The following FCRL1 variants were observed in gnomAD, a reference collection of about 807,000 sequenced individuals.
FCRL1 encodes the protein Fc receptor like 1, also known as Fc receptor-like protein 1.
Under a neutral mutation model 49.2 loss-of-function variants are expected in FCRL1, and 34 were observed. That is an observed-to-expected ratio of 0.69 (90% confidence interval 0.53 to 0.92). The LOEUF (loss-of-function observed/expected upper bound fraction) is 0.92, where lower values mean the gene tolerates loss of function less well. Ranked by LOEUF, FCRL1 falls within the 40% of genes least tolerant of loss-of-function variation. The probability of loss-of-function intolerance (pLI) is 0.00; values close to 1 mark genes in which losing one functional copy is unlikely to be tolerated. For missense variants in FCRL1, 524 were observed against 524.1 expected (o/e 1.00, Z 0.00); for synonymous variants, 218 against 201.6 (o/e 1.08, Z -0.69).
chr1:157,819,921 A>T, intron 1 of FCRL1, 86 bp downstream of exon 1: 1 of 1,494,868 alleles, frequency 6.7e-7, no homozygotes, highest in Non-Finnish European at 9.3e-7. Context: ...ACAGAACCTT[A>T]GTCCTAAGAA....
chr1:157,798,512 G>T (rs886390402), intron 7 of FCRL1, among the ~76,000 whole-genome samples: 4 of 152,018 alleles, frequency 2.6e-5, no homozygotes, highest in African/African-American at 9.7e-5. Flanking sequence ...TTCACATCAT[G>T]AGTGCTCCCT....
intron 7 of FCRL1, among the ~76,000 whole-genome samples, chr1:157,798,881 C>G (rs1458483381): frequency 6.6e-6 from 1 of 152,158 alleles, no homozygotes; most frequent in African/African-American, 2.4e-5. Flanking sequence ...CTTTAAAACT[C>G]TCAAGAGTTT....
Position 157,796,178 on chromosome 1 carries a change from C to T in FCRL1, c.1219-8G>A. 6.2e-7 allele frequency: 1 copy of T among 1,613,094 alleles called. No homozygotes were observed. The highest frequency in any genetic ancestry group is 8.5e-7 in the Non-Finnish European group (1 of 1,179,170). On this transcript the variant is annotated splice_region_variant and splice_polypyrimidine_tract_variant and intron_variant, in intron 10 of 10. Transcript: ENST00000368176. ...ATAGATGTCTAAGGAAACCTGGAAG[C>T]AAAGATTAGGACTAGAGCAGGGAAG... is the stretch of plus-strand genomic sequence containing the variant.
chr1:157,811,355 G>A (rs1349524291), intron 1 of FCRL1, among the ~76,000 whole-genome samples: 1 of 152,172 alleles, frequency 6.6e-6, no homozygotes, highest in Non-Finnish European at 1.5e-5. Context: ...CATAAAGAAG[G>A]GAATGGAACC....
chr1:157,816,318 A>G (rs904332905), intron 1 of FCRL1, among the ~76,000 whole-genome samples: 2 of 152,008 alleles, frequency 1.3e-5, no homozygotes, highest in Non-Finnish European at 2.9e-5. Flanking sequence ...GAAATGATAC[A>G]TCACATTAAC....
At chr1:157,799,428 G>T (rs982973165) in intron 7 of FCRL1, among the ~76,000 whole-genome samples, 8 of 152,246 alleles carry the variant, frequency 5.3e-5, no homozygotes, top group African/African-American at 1.4e-4. Flanking sequence ...GCAGTGGTTT[G>T]TAGTTCTCCT....
rs369442267 is a variant in FCRL1 at position 157,801,553 on chromosome 1, T to C, written c.911A>G (p.His304Arg). 1.9e-6 allele frequency: 3 copies of C among 1,613,602 alleles called. No homozygotes were observed. Among genetic ancestry groups the C allele is most frequent in the African/African-American group, 1.3e-5 (1 of 74,902 alleles). The change falls in exon 6 of 11, where the codon CAT becomes CGT. Residue 304 changes from histidine (H) to arginine (R), a missense_variant. Physicochemically the swap from His to Arg is conservative, Grantham distance 29. Coordinates refer to ENST00000368176, the MANE Select transcript of FCRL1 (RefSeq NM_052938.5). ...CCCCTCAATGACTCCTGAGGTAAGA[T>C]GATTGCTTCTGGCCCCAGTAGGCAC... is the stretch of plus-strand genomic sequence containing the variant. ...FTVPTGARSN[H>R]LTSGVIEGLL...
At chr1:157,799,941 G>C in intron 7 of FCRL1, 117 bp downstream of exon 7, 1 of 706,604 alleles carries the variant, frequency 1.4e-6, no homozygotes, top group Non-Finnish European at 2.1e-6. Flanking sequence ...GAACTCAGGA[G>C]TGAGTTCTGG....
At chr1:157,802,261 C>T (rs993470971) in intron 4 of FCRL1, 68 bp from the exon 5 acceptor site, 15 of 1,575,828 alleles carry the variant, frequency 9.5e-6, no homozygotes, top group South Asian at 2.4e-5. Context: ...CCCTGCCCAC[C>T]GATGCTCAGC....
At chr1:157,805,265 G>A (rs896324418) in intron 2 of FCRL1, among the ~76,000 whole-genome samples, 8 of 152,108 alleles carry the variant, frequency 5.3e-5, no homozygotes, top group African/African-American at 1.7e-4. Context: ...ATAGCTATGG[G>A]CTGTGTGGGC....
chr1:157,796,252 G>T, intron 10 of FCRL1, 82 bp from the exon 11 acceptor site: 1 of 1,128,936 alleles, frequency 8.9e-7, no homozygotes, highest in Non-Finnish European at 1.3e-6. Flanking sequence ...TAGCTTGGAT[G>T]CATCTTATCA....
At chr1:157,797,562 C>T (rs1196780337) in intron 9 of FCRL1, 2 of 615,222 alleles carry the variant, frequency 3.3e-6, no homozygotes, top group African/African-American at 1.8e-5. Context: ...ATTGTAACTA[C>T]ATGTTTTACC....
chr1:157,802,234 T>C, intron 4 of FCRL1, 41 bp from the exon 5 acceptor site: 1 of 1,591,702 alleles, frequency 6.3e-7, no homozygotes, highest in South Asian at 1.2e-5. Flanking sequence ...TCTCTGACAA[T>C]GCAGCAAACT....
rs776247988 is a variant in FCRL1 at position 157,801,992 on chromosome 1, T to G, written c.809A>C (p.His270Pro). Residue 270 changes from histidine to proline, a missense_variant, in exon 5 of 11, where the codon CAT becomes CCT. His to Pro is a moderately conservative substitution (Grantham distance 77). Transcript: ENST00000368176. ...ASFNLSLTEE[H>P]SGNYSCEANN... The stretch of plus-strand genomic sequence containing the variant: ...GGCCTCACAGGAGTAGTTTCCAGAA[T>G]GTTCTTCAGTCAGGGAAAGGTTGAA... 6.2e-7 allele frequency: 1 copy of G among 1,614,218 alleles called. No homozygotes were observed. Among genetic ancestry groups the G allele is most frequent in the African/African-American group, 1.3e-5 (1 of 75,054 alleles).
intron 6 of FCRL1, 21 bp downstream of exon 6, chr1:157,801,440 C>A: frequency 7.0e-7 from 1 of 1,437,056 alleles, no homozygotes; most frequent in Non-Finnish European, 9.8e-7. Context: ...TAACAAAATG[C>A]CACTCTCTTT....
At position 157,804,000 on chromosome 1, in the gene FCRL1, A is replaced by G; in HGVS notation, c.164T>C (p.Phe55Ser). 6.2e-7 allele frequency: 1 copy of G among 1,614,230 alleles called. No homozygotes were observed. The highest frequency in any genetic ancestry group is 2.2e-5 in the East Asian group (1 of 44,884). Residue 55 changes from phenylalanine to serine, a missense_variant, in exon 3 of 11, where the codon TTC becomes TCC. By Grantham distance (155) the Phe-to-Ser change is radical. Coordinates refer to ENST00000368176, the MANE Select transcript of FCRL1 (RefSeq NM_052938.5). ...SSDAQFQFCFFRDTRALGPGW... is the reference protein window; with the variant it reads ...SSDAQFQFCFSRDTRALGPGW... ...TGGGCCCAAGGCCCGGGTGTCTCTG[A>G]AAAAGCAGAACTGGAACTGGGCATC...
chr1:157,802,111 C>T lies in FCRL1; in HGVS notation c.690G>A (p.Glu230=), dbSNP rs200416538. 2.8e-5 allele frequency: 46 copies of T among 1,614,086 alleles called. No homozygotes were observed. Among genetic ancestry groups the T allele is most frequent in the Admixed American group, 5.0e-5 (3 of 60,014 alleles). The change falls in exon 5 of 11, where the codon GAG becomes GAA. Residue 230 remains glutamate, a synonymous_variant. Coordinates refer to ENST00000368176, the MANE Select transcript of FCRL1 (RefSeq NM_052938.5). ...GGATCGGAGGAGAGCCTCTCAGGGCCTCACAGTGAAGCTCCAGCACATCCT... is the reference window on the plus strand; with the variant it reads ...GGATCGGAGGAGAGCCTCTCAGGGCTTCACAGTGAAGCTCCAGCACATCCT... ...AVEDVLELHC[E]ALRGSPPILY...
intron 1 of FCRL1, 102 bp from the exon 2 acceptor site, chr1:157,807,224 C>T (rs1653622950): frequency 1.7e-6 from 2 of 1,197,490 alleles, no homozygotes; most frequent in African/African-American, 1.5e-5. Flanking sequence ...CCCTCCATCC[C>T]CTGGACCCTC....
intron 1 of FCRL1, among the ~76,000 whole-genome samples, chr1:157,811,578 T>G (rs984181947): frequency 6.6e-6 from 1 of 152,116 alleles, no homozygotes; most frequent in Non-Finnish European, 1.5e-5. Flanking sequence ...CTGCCTGGAG[T>G]TCATATGGCT....
Sources: gnomAD v4.1 joint callset for allele counts (sites outside exome capture counted in the v4.1 genomes callset) on GRCh38, gnomAD v4.1.1 for gene constraint, MANE v1.5 for transcripts, NCBI Gene and HGNC (gene_info 2026-07-23, HGNC 2026-07-21) for gene names.